LHFPL3: variants seen among roughly 807,000 people sequenced by gnomAD.
LHFPL3 encodes the protein LHFPL tetraspan subfamily member 3.
LHFPL3 carries 5 observed loss-of-function variants against 19.3 expected under a neutral mutation model. That is an observed-to-expected ratio of 0.26 (90% CI 0.14 to 0.54). The LOEUF (loss-of-function observed/expected upper bound fraction) is 0.54. Ranked by LOEUF, LHFPL3 falls within the 20% of genes least tolerant of loss-of-function variation. The pLI, the probability that LHFPL3 is intolerant of heterozygous loss-of-function variation, is 0.94. For missense variants in LHFPL3, 249 were observed against 307.4 expected (o/e 0.81, Z 1.42); for synonymous variants, 133 against 126.2 (o/e 1.05, Z -0.36).
At chr7:104,875,028 T>TA (rs1286659421) in intron 2 of LHFPL3, among the ~76,000 whole-genome samples, 2 of 151,596 alleles carry the variant, frequency 1.3e-5, no homozygotes, top group Non-Finnish European at 2.9e-5. Context: ...TTTTTTTTTT[T>TA]AGAGAGATGG....
At chr7:104,583,228 T>C (rs1465527929) in intron 1 of LHFPL3, among the ~76,000 whole-genome samples, 1 of 152,172 alleles carries the variant, frequency 6.6e-6, no homozygotes, top group East Asian at 1.9e-4. Flanking sequence ...CCCTATTTAA[T>C]AAATGGTGCT....
At chr7:104,700,100 T>C (rs1793074295) in intron 1 of LHFPL3, among the ~76,000 whole-genome samples, 1 of 152,200 alleles carries the variant, frequency 6.6e-6, no homozygotes, top group African/African-American at 2.4e-5. Flanking sequence ...ATCCAACAAC[T>C]CTAGGCATCT....
chr7:104,534,788 T>G (rs1794363456), intron 1 of LHFPL3, among the ~76,000 whole-genome samples: 2 of 152,234 alleles, frequency 1.3e-5, no homozygotes, highest in African/African-American at 4.8e-5. Context: ...ATTTTAGTTT[T>G]ACACTATTAC....
At chr7:104,395,322 G>T (rs1416270962) in intron 1 of LHFPL3, among the ~76,000 whole-genome samples, 2 of 152,218 alleles carry the variant, frequency 1.3e-5, no homozygotes, top group Non-Finnish European at 2.9e-5. Flanking sequence ...GTTTGGAGCA[G>T]TTAGGTAATA....
intron 2 of LHFPL3, among the ~76,000 whole-genome samples, chr7:104,833,055 T>A (rs10435346): frequency 3.0e-5 from 1 of 33,380 alleles, no homozygotes; most frequent in Non-Finnish European, 5.7e-5. Context: ...TATATATATA[T>A]TATATATAAT....
chr7:104,643,068 C>G (rs1351632662), intron 1 of LHFPL3, among the ~76,000 whole-genome samples: 1 of 152,148 alleles, frequency 6.6e-6, no homozygotes, highest in Non-Finnish European at 1.5e-5. Context: ...CAAATAGAAT[C>G]AGCTTTGTTT....
chr7:104,457,364 A>G lies in LHFPL3; in HGVS notation c.445+128140A>G, dbSNP rs556543015. ...AATTCCCACCTATGAGTGAGAAAAT[A>G]CGGTGTTTGCTTTTTGTTCTTGTGA... On this transcript the variant is annotated intron_variant, in intron 1 of 2. Coordinates refer to ENST00000424859, the MANE Select transcript of LHFPL3 (RefSeq NM_199000.3). Among the ~76,000 whole-genome samples, 57 of 151,584 alleles carry G rather than the reference A, an allele frequency of 3.8e-4. 1 individual carries two copies. Among genetic ancestry groups the G allele is most frequent in the South Asian group, 3.4e-3 (16 of 4,756 alleles).
chr7:104,774,552 T>C (rs2116406580), intron 2 of LHFPL3, among the ~76,000 whole-genome samples: 1 of 152,370 alleles, frequency 6.6e-6, no homozygotes, highest in Middle Eastern at 3.4e-3. Context: ...GAAAGGATCT[T>C]TGCAACATAA....
chr7:104,387,397 A>G (rs1405539840), intron 1 of LHFPL3, among the ~76,000 whole-genome samples: 1 of 152,146 alleles, frequency 6.6e-6, no homozygotes, highest in Non-Finnish European at 1.5e-5. Flanking sequence ...TAAAAAAAAG[A>G]AAAGTACAAT....
chr7:104,832,152 G>C (rs1382191447), intron 2 of LHFPL3, among the ~76,000 whole-genome samples: 1 of 151,976 alleles, frequency 6.6e-6, no homozygotes, highest in Non-Finnish European at 1.5e-5. Flanking sequence ...CATTAAAAGG[G>C]CTTGATGCAG....
chr7:104,564,432 C>T (rs1322952055), intron 1 of LHFPL3, among the ~76,000 whole-genome samples: 1 of 152,180 alleles, frequency 6.6e-6, no homozygotes, highest in Non-Finnish European at 1.5e-5. Flanking sequence ...TTCCATTCAA[C>T]AAATATTTAC....
chr7:104,848,944 C>T (rs2116609613), intron 2 of LHFPL3, among the ~76,000 whole-genome samples: 1 of 151,532 alleles, frequency 6.6e-6, no homozygotes, highest in Middle Eastern at 3.4e-3. Flanking sequence ...CAAAATCTCA[C>T]TCTGTCACCC....
chr7:104,503,735 A>G (rs41032), intron 1 of LHFPL3, among the ~76,000 whole-genome samples: 21,148 of 151,718 alleles, frequency 0.14, 1,610 homozygotes, highest in East Asian at 0.21. Context: ...ACACCCAGCT[A>G]ATTTTTGTAT....
intron 1 of LHFPL3, among the ~76,000 whole-genome samples, chr7:104,618,177 C>A (rs1349174068): frequency 6.6e-6 from 1 of 152,072 alleles, no homozygotes; most frequent in Non-Finnish European, 1.5e-5. Context: ...TGTGCAATAC[C>A]CATTACTATA....
intron 1 of LHFPL3, among the ~76,000 whole-genome samples, chr7:104,673,551 A>T (rs1792527593): frequency 1.3e-5 from 2 of 152,192 alleles, no homozygotes; most frequent in Admixed American, 1.3e-4. Flanking sequence ...GCCAAATGTG[A>T]TGCTTTCTGA....
At chr7:104,622,442 T>C (rs990690325) in intron 1 of LHFPL3, among the ~76,000 whole-genome samples, 6 of 152,192 alleles carry the variant, frequency 3.9e-5, no homozygotes, top group Non-Finnish European at 8.8e-5. Flanking sequence ...AACAACTTTA[T>C]CTAGATATAA....
intron 1 of LHFPL3, among the ~76,000 whole-genome samples, chr7:104,372,605 A>G (rs1790636761): frequency 6.6e-6 from 1 of 152,208 alleles, no homozygotes; most frequent in Non-Finnish European, 1.5e-5. Flanking sequence ...ACCATTCAGT[A>G]CCTGGTGAGA....
intron 1 of LHFPL3, among the ~76,000 whole-genome samples, chr7:104,626,631 C>T (rs1416873751): frequency 6.6e-6 from 1 of 152,156 alleles, no homozygotes; most frequent in African/African-American, 2.4e-5. Context: ...TGATGGAGCA[C>T]CCTTTCTGCT....
intron 1 of LHFPL3, among the ~76,000 whole-genome samples, chr7:104,367,126 T>C (rs1163780790): frequency 6.6e-6 from 1 of 152,232 alleles, no homozygotes; most frequent in East Asian, 1.9e-4. Flanking sequence ...AAGTTTGCTA[T>C]GGAGTTTGTG....
Sources: allele counts gnomAD v4.1 joint callset (sites outside exome capture counted in the v4.1 genomes callset), GRCh38; gene constraint gnomAD v4.1.1; transcripts MANE v1.5; gene names NCBI Gene and HGNC (gene_info 2026-07-23, HGNC 2026-07-21).